Variants in SIDT2 observed in about 807,000 individuals in gnomAD.
SIDT2 encodes the protein SID1 transmembrane family member 2, also known as SID1 transmembrane family, member 2.
Under a neutral mutation model 114.4 loss-of-function variants are expected in SIDT2, and 68 were observed. The observed-to-expected ratio is 0.59, with a 90% CI of 0.49 to 0.73. SIDT2 has a LOEUF of 0.73. Ranked by LOEUF, SIDT2 falls within the 30% of genes least tolerant of loss-of-function variation. The pLI is 0.00. For missense variants in SIDT2, 918 were observed against 1,097.1 expected, an observed-to-expected ratio of 0.84 and a Z score of 2.31; for synonymous variants, 470 against 438.4, an observed-to-expected ratio of 1.07 and a Z score of -0.90.
In SIDT2 at chr11:117,182,561, G is replaced by C. The variant is rs2030331994; in HGVS notation, c.559G>C (p.Val187Leu). Residue 187 changes from valine (V) to leucine (L), a missense_variant, in exon 5 of 26, where the codon GTC (valine) becomes CTC (leucine). Around this residue, in one of 4 missense-constraint regions of SIDT2, gnomAD observed 553 missense variants for 600.1 expected, o/e 0.92. Coordinates refer to ENST00000324225, the MANE Select transcript of SIDT2 (RefSeq NM_001040455.2). ...EFPEGVDSVI[V>L]KVTSNKAFPC... ...CCCTGAAGGCGTGGACTCGGTAATT[G>C]TCAAGGTGACCTCCAACAAGGCCTT... 2 of 1,614,116 alleles carry C rather than the reference G, an allele frequency of 1.2e-6. No homozygotes were observed. Among genetic ancestry groups the C allele is most frequent in the South Asian group, 2.2e-5 (2 of 91,094 alleles).
chr11:117,185,995 A>G lies in SIDT2; in HGVS notation c.869-135A>G, dbSNP rs1305336154. On this transcript the variant is annotated intron_variant, in intron 8 of 25. Transcript: ENST00000324225. ...GAACTGCCAGTTGTTCATACTGGCT[A>G]GGCAGGGCCTTACATTTGAGGGGAG... The G allele has an allele frequency of 4.4e-6, 3 of 680,120 alleles. No individual in the cohort carries two copies. In the Admixed American group the frequency reaches 7.3e-5, roughly 17 times the overall value. 42.1% of individuals were successfully genotyped at this position (680,120 alleles called of 1,614,324 possible). A position where few individuals can be genotyped will look rare whatever the true frequency, so the allele number is the denominator to read the frequency against.
rs2030324608 is a variant in SIDT2 at position 117,182,411 on chromosome 11, C to T, written c.517-108C>T. 7 of 988,890 alleles carry T rather than the reference C, an allele frequency of 7.1e-6. No individual in the cohort carries two copies. In the East Asian group the frequency reaches 1.7e-4, roughly 24 times the overall value. 61.3% of individuals were successfully genotyped at this position (988,890 alleles called of 1,614,324 possible). A position where few individuals can be genotyped will look rare whatever the true frequency, so the allele number is the denominator to read the frequency against. ...CTCCTCGGAGAGCCTCCACTGCCCA[C>T]CCCTCAGAGGATTCTGGGTCCTCGC... On this transcript the variant is annotated intron_variant, in intron 4 of 25. Coordinates refer to ENST00000324225, the MANE Select transcript of SIDT2 (RefSeq NM_001040455.2).
chr11:117,194,852 G>T (rs2030832754), intron 24 of SIDT2, among the ~76,000 whole-genome samples: 1 of 152,028 alleles, frequency 6.6e-6, no homozygotes, highest in African/African-American at 2.4e-5. Flanking sequence ...ACTTTGGGAG[G>T]CCGAAGCGGG....
rs564328186 is a variant in SIDT2, at chr11:117,188,571, C to T, written c.1160-137C>T. The stretch of plus-strand genomic sequence containing the variant: ...TCCTCCCAGCTCCTGAGCCCACTTC[C>T]ACCCCAACTCTGAGGCCCAGCCCAC... On this transcript the variant is annotated intron_variant, in intron 12 of 25. Coordinates refer to ENST00000324225, the MANE Select transcript of SIDT2 (RefSeq NM_001040455.2). This position sits in a 1 kb window ranked among gnomAD's most constrained non-coding sequence, Gnocchi z 4.0. The T allele has an allele frequency of 3.0e-5, 20 of 669,412 alleles. No homozygotes were observed. The highest frequency in any genetic ancestry group is 1.6e-4 in the African/African-American group (9 of 56,336). The allele number at this position is 669,412 out of a possible 1,614,324, so 41.5% of individuals were successfully genotyped here. A position where few individuals can be genotyped will look rare whatever the true frequency, so the allele number is the denominator to read the frequency against.
At chr11:117,184,856 G>T (rs939642586) in intron 8 of SIDT2, among the ~76,000 whole-genome samples, 5 of 152,120 alleles carry the variant, frequency 3.3e-5, no homozygotes, top group African/African-American at 1.2e-4. Flanking sequence ...CTCCTGAGTT[G>T]CTGGGATTAC....
chr11:117,195,722 A>G (rs2030872327), intron 24 of SIDT2, 80 bp from the exon 25 acceptor site: 19 of 1,470,920 alleles, frequency 1.3e-5, no homozygotes, highest in Non-Finnish European at 1.8e-5. Flanking sequence ...AGGGGTGCCC[A>G]GGAGCAAGAT....
Position 117,188,740 on chromosome 11 carries a change from C to T in SIDT2, c.1192C>T (p.Arg398Ter), listed in dbSNP as rs772760921. 12 of 1,614,208 alleles carry T rather than the reference C, an allele frequency of 7.4e-6. No individual in the cohort carries two copies. Among genetic ancestry groups the T allele is most frequent in the South Asian group, 3.3e-5 (3 of 91,078 alleles). The change falls in exon 13 of 26, where the codon CGA (arginine) becomes TGA (stop). Residue 398 changes from arginine (R) to a stop codon, truncating the protein, a stop_gained. Transcript: ENST00000324225. LOFTEE classifies it high-confidence loss of function. The surrounding 1 kb of genome is among the most constrained non-coding windows in gnomAD (Gnocchi z 4.0). Reference protein sequence around the residue: ...RSFEPVGTRPRVDSMSSVEED... With the variant: ...RSFEPVGTRP ...CTTTGAACCTGTAGGTACTCGGCCC[C>T]GAGTGGACTCCATGAGCTCTGTGGA...
Position 117,181,793 on chromosome 11 carries a change from G to C in SIDT2, c.306-14G>C. On this transcript the variant is annotated splice_polypyrimidine_tract_variant and intron_variant, in intron 2 of 25. Transcript: ENST00000324225. ...GACAGTGCTCACATCCTATCTCCCT[G>C]CTTCGGGCCATAGGTTTCAGCGCAA... The C allele has an allele frequency of 6.2e-7, 1 of 1,614,046 alleles. No homozygotes were observed. The highest frequency in any genetic ancestry group is 8.5e-7 in the Non-Finnish European group (1 of 1,179,992).
rs1381177529 is a variant in SIDT2, at chr11:117,182,523, T to C, written c.521T>C (p.Phe174Ser). ...FNTTAAQPQYFKYEFPEGVDS... is the reference protein window; with the variant it reads ...FNTTAAQPQYSKYEFPEGVDS... ...CCTTCCTTCCTGCACCCTCAGTACT[T>C]CAAGTATGAGTTCCCTGAAGGCGTG... The change falls in exon 5 of 26, where the codon TTC becomes TCC. Residue 174 changes from phenylalanine (F) to serine (S), a missense_variant. Physicochemically the swap from Phe to Ser is radical, Grantham distance 155. Transcript: ENST00000324225. The C allele has an allele frequency of 1.2e-6, 2 of 1,613,978 alleles. No individual in the cohort carries two copies. Among genetic ancestry groups the C allele is most frequent in the Non-Finnish European group, 1.7e-6 (2 of 1,179,942 alleles).
intron 8 of SIDT2, among the ~76,000 whole-genome samples, chr11:117,185,047 CTCTTT>C (rs1293594305): frequency 5.5e-5 from 8 of 144,882 alleles, no homozygotes; most frequent in Admixed American, 5.5e-4. Context: ...CTCTCTCTCT[CTCTTT>C]TTTTTTTTTT....
At chr11:117,186,751 C>A in intron 10 of SIDT2, 115 bp downstream of exon 10, 1 of 1,022,274 alleles carries the variant, frequency 9.8e-7, no homozygotes, top group Non-Finnish European at 1.4e-6. Flanking sequence ...TCTGGATGTT[C>A]AGATGGGGGT....
rs2046150 is a variant in SIDT2 at position 117,182,717 on chromosome 11, C to G, written c.619-6C>G. ...CCATCCATCTGCCTCTCCCGCCCCT[C>G]TGCAGTGTCCTGTCTATGACCTGGA... On this transcript the variant is annotated splice_region_variant and splice_polypyrimidine_tract_variant and intron_variant, in intron 5 of 25. Coordinates refer to ENST00000324225, the MANE Select transcript of SIDT2 (RefSeq NM_001040455.2). 1 of 1,614,108 alleles carries G rather than the reference C, an allele frequency of 6.2e-7. No homozygotes were observed. Among genetic ancestry groups the G allele is most frequent in the Non-Finnish European group, 8.5e-7 (1 of 1,179,980 alleles).
Position 117,182,787 on chromosome 11 carries a change from AGGC to A in SIDT2, c.687_689del (p.Ala230del). The A allele has an allele frequency of 6.2e-7, 1 of 1,614,054 alleles. No homozygotes were observed. The highest frequency in any genetic ancestry group is 8.5e-7 in the Non-Finnish European group (1 of 1,179,974). On this transcript the variant is annotated inframe_deletion, in exon 6 of 26. Coordinates refer to ENST00000324225, the MANE Select transcript of SIDT2 (RefSeq NM_001040455.2). ...GGCATGTACCAGACGATGACCAAGA[AGGC>A]GGCCATCACCGTACAGGTAGGAAAT...
At position 117,190,699 on chromosome 11, in the gene SIDT2, C is replaced by G; in HGVS notation, c.1694C>G (p.Ala565Gly). The G allele has an allele frequency of 6.2e-7, 1 of 1,613,762 alleles. No homozygotes were observed. Among genetic ancestry groups the G allele is most frequent in the Non-Finnish European group, 8.5e-7 (1 of 1,179,874 alleles). The change falls in exon 18 of 26, where the codon GCT (alanine) becomes GGT (glycine). Residue 565 changes from alanine (A) to glycine (G), a missense_variant. Coordinates refer to ENST00000324225, the MANE Select transcript of SIDT2 (RefSeq NM_001040455.2). This position sits in a 1 kb window ranked among gnomAD's most constrained non-coding sequence, Gnocchi z 4.1. Reference sequence around the variant, plus strand: ...CTGATGATGGAGGGGCTGCTCAGTGCTTGCTATCATGTGTGCCCCAACTAT... The same window carrying G: ...CTGATGATGGAGGGGCTGCTCAGTGGTTGCTATCATGTGTGCCCCAACTAT... ...TALMMEGLLS[A>G]CYHVCPNYTN... is the part of the protein sequence containing the mutation.
Position 117,192,710 on chromosome 11 carries a change from A to G in SIDT2, c.2058+60A>G. 1 of 1,611,766 alleles carries G rather than the reference A, an allele frequency of 6.2e-7. No homozygotes were observed. The highest frequency in any genetic ancestry group is 8.5e-7 in the Non-Finnish European group (1 of 1,178,874). On this transcript the variant is annotated intron_variant, in intron 21 of 25. Transcript: ENST00000324225. This position sits in a 1 kb window ranked among gnomAD's most constrained non-coding sequence, Gnocchi z 5.9. ...TCTCCTTTCTTCCCTCTGATGGGGG[A>G]GTGGGGCTGGGCTGAGGACCCAGGG...
rs1384643236 is a variant in SIDT2 at position 117,192,689 on chromosome 11, C to T, written c.2058+39C>T. The T allele has an allele frequency of 3.7e-6, 6 of 1,612,860 alleles. No homozygotes were observed. Among genetic ancestry groups the T allele is most frequent in the Non-Finnish European group, 5.1e-6 (6 of 1,179,708 alleles). On this transcript the variant is annotated intron_variant, in intron 21 of 25. Coordinates refer to ENST00000324225, the MANE Select transcript of SIDT2 (RefSeq NM_001040455.2). The surrounding 1 kb of genome is among the most constrained non-coding windows in gnomAD (Gnocchi z 5.9). The stretch of plus-strand genomic sequence containing the variant: ...TCCCCTGCTCCATTCTCCACATCTC[C>T]TTTCTTCCCTCTGATGGGGGAGTGG...
chr11:117,188,684 C>A lies in SIDT2; in HGVS notation c.1160-24C>A. On this transcript the variant is annotated intron_variant, in intron 12 of 25. Transcript: ENST00000324225. This position sits in a 1 kb window ranked among gnomAD's most constrained non-coding sequence, Gnocchi z 4.0. Reference sequence around the variant, plus strand: ...GTGGGTTTTGTGTCCACCGGTGCAACCCCTCCCTCCCTGCCCTTTCCAGGC... The same window carrying A: ...GTGGGTTTTGTGTCCACCGGTGCAAACCCTCCCTCCCTGCCCTTTCCAGGC... The A allele has an allele frequency of 6.3e-7, 1 of 1,585,944 alleles. No homozygotes were observed. Among genetic ancestry groups the A allele is most frequent in the African/African-American group, 1.3e-5 (1 of 74,428 alleles).
intron 8 of SIDT2, among the ~76,000 whole-genome samples, chr11:117,184,700 G>A (rs1470164567): frequency 1.3e-5 from 2 of 152,108 alleles, no homozygotes; most frequent in Non-Finnish European, 2.9e-5. Flanking sequence ...GGCCCTAAGG[G>A]ACTGTGATAG....
At chr11:117,183,747 T>G in intron 6 of SIDT2, 32 bp from the exon 7 acceptor site, 1 of 1,371,374 alleles carries the variant, frequency 7.3e-7, no homozygotes, top group Non-Finnish European at 1.0e-6. Context: ...ATGATGATGA[T>G]GAAGAAGATA....
Sources: gnomAD v4.1 joint callset for allele counts (sites outside exome capture counted in the v4.1 genomes callset) on GRCh38, gnomAD v4.1.1 for gene constraint, gnomAD v4.1.1 regional missense constraint, Gnocchi (gnomAD v3.1) non-coding constraint, MANE v1.5 for transcripts, NCBI Gene and HGNC (gene_info 2026-07-23, HGNC 2026-07-21) for gene names.